HOMER2: variants seen among roughly 807,000 people sequenced by gnomAD.
HOMER2 encodes homer protein homolog 2.
In HOMER2, 27 loss-of-function variants were observed where a neutral mutation model predicts 47.0. That is an observed-to-expected ratio of 0.57 (90% CI 0.42 to 0.79). The LOEUF (loss-of-function observed/expected upper bound fraction) is 0.79. HOMER2 is among the 30% of genes least tolerant of loss of function. HOMER2 has a pLI of 0.00. For missense variants in HOMER2, 443 were observed against 435.0 expected, an observed-to-expected ratio of 1.02 and a Z score of -0.16; for synonymous variants, 161 against 163.8, an observed-to-expected ratio of 0.98 and a Z score of 0.13.
chr15:82,843,899 A>C (rs2051204714), exon 2 of HOMER2: 1 of 152,206 alleles, frequency 6.6e-6, no homozygotes, highest in South Asian at 2.1e-4. Flanking sequence ...TTAACCAATT[A>C]ACCCTGAAAC....
At chr15:82,920,080 G>A (rs1302643861) in intron 1 of HOMER2, among the ~76,000 whole-genome samples, 1 of 152,150 alleles carries the variant, frequency 6.6e-6, no homozygotes, top group East Asian at 1.9e-4. Context: ...ACTTCCACCT[G>A]TAATTTGGAG....
At chr15:82,840,453 G>A (rs2051165066) in exon 2 of HOMER2, 1 of 152,230 alleles carries the variant, frequency 6.6e-6, no homozygotes, top group Admixed American at 6.5e-5. Flanking sequence ...CACTATTTAG[G>A]AAAATTCACT....
intron 4 of HOMER2, among the ~76,000 whole-genome samples, chr15:82,860,956 T>TAGAAGATGAGAGAGAGAGAGA (rs1555420265): frequency 2.4e-5 from 1 of 42,386 alleles, no homozygotes; most frequent in African/African-American, 8.3e-5. Context: ...AGATAGAAGA[T>TAGAAGATGAGAGAGAGAGAGA]GAGAGAGAGA....
At chr15:82,902,497 A>G (rs986486855) in intron 1 of HOMER2, among the ~76,000 whole-genome samples, 1 of 152,046 alleles carries the variant, frequency 6.6e-6, no homozygotes, top group Non-Finnish European at 1.5e-5. Flanking sequence ...TGCCCAGCCA[A>G]TATCCAAGTG....
At chr15:82,952,398 G>C (rs2054525712) in intron 1 of HOMER2, 133 bp downstream of exon 1, 2 of 590,366 alleles carry the variant, frequency 3.4e-6, no homozygotes, top group South Asian at 8.0e-5. Context: ...CCCGGGCGCA[G>C]AGTGTGCGCT....
At chr15:82,946,920 G>A (rs1020380262) in intron 1 of HOMER2, among the ~76,000 whole-genome samples, 1 of 152,100 alleles carries the variant, frequency 6.6e-6, no homozygotes, top group African/African-American at 2.4e-5. Flanking sequence ...CAAATAGATG[G>A]GCACCCCTCC....
rs2151591997 is a variant in HOMER2 at position 82,849,105 on chromosome 15, A to G, written c.*610T>C. ...AGAAATTAAAACCAAGAAAAGGAAC[A>G]CTGTTGCAACCGTACAAACTGGGGG... On this transcript the variant is annotated 3_prime_UTR_variant, in exon 9 of 9. Coordinates refer to ENST00000450735, the MANE Select transcript of HOMER2 (RefSeq NM_004839.4). The G allele has an allele frequency of 7.3e-6, 1 of 136,396 alleles. No individual in the cohort carries two copies. The highest frequency in any genetic ancestry group is 2.7e-5 in the African/African-American group (1 of 36,734). The allele number at this position is 136,396 out of a possible 1,614,324, so 8.4% of individuals were successfully genotyped here. A position where few individuals can be genotyped will look rare whatever the true frequency, so the allele number is the denominator to read the frequency against.
At chr15:82,980,771 T>A (rs902593283) in intron 1 of HOMER2, among the ~76,000 whole-genome samples, 10 of 152,178 alleles carry the variant, frequency 6.6e-5, no homozygotes, top group Non-Finnish European at 1.5e-4. Context: ...CCGACAATTT[T>A]AGAGTCTTGA....
At chr15:82,952,733 G>C, upstream of HOMER2, 2 of 979,852 alleles carry the variant, frequency 2.0e-6, no homozygotes, top group Non-Finnish European at 2.4e-6. Context: ...GCGGGCGGGG[G>C]CTGGGCGGCC....
At chr15:82,962,924 C>T (rs2054643895) in intron 1 of HOMER2, among the ~76,000 whole-genome samples, 1 of 152,176 alleles carries the variant, frequency 6.6e-6, no homozygotes, top group South Asian at 2.1e-4. Flanking sequence ...GACCCAACAT[C>T]AGGCTAGACT....
chr15:82,895,497 C>A (rs2052879674), intron 1 of HOMER2, among the ~76,000 whole-genome samples: 1 of 152,218 alleles, frequency 6.6e-6, no homozygotes. Context: ...CCATATTTTG[C>A]TAATCATCTA....
intron 5 of HOMER2, among the ~76,000 whole-genome samples, chr15:82,855,778 C>T (rs1190771923): frequency 1.3e-5 from 2 of 152,218 alleles, no homozygotes; most frequent in Admixed American, 6.5e-5. Context: ...CCACAAAGGC[C>T]TCATGTTTCA....
chr15:82,935,307 C>G (rs960973507), intron 1 of HOMER2, among the ~76,000 whole-genome samples: 1 of 152,142 alleles, frequency 6.6e-6, no homozygotes, highest in Non-Finnish European at 1.5e-5. Flanking sequence ...AACCAATGCC[C>G]AAACTCTCCT....
At chr15:82,974,779 A>G (rs1477594001) in intron 1 of HOMER2, among the ~76,000 whole-genome samples, 1 of 152,048 alleles carries the variant, frequency 6.6e-6, no homozygotes, top group Non-Finnish European at 1.5e-5. Flanking sequence ...TCTTAAAAGA[A>G]GACATACAGG....
At chr15:82,864,084 C>G in intron 4 of HOMER2, 83 bp downstream of exon 4, 4 of 821,276 alleles carry the variant, frequency 4.9e-6, no homozygotes, top group South Asian at 3.5e-5. Context: ...TCAAAATTCC[C>G]TATTTCTGGC....
intron 6 of HOMER2, among the ~76,000 whole-genome samples, chr15:82,854,055 C>T (rs1301298039): frequency 6.6e-6 from 1 of 152,186 alleles, no homozygotes; most frequent in Non-Finnish European, 1.5e-5. Flanking sequence ...ACAGGGCTGA[C>T]ACCTCCAGTT....
chr15:82,950,501 A>G (rs1436007036), intron 1 of HOMER2, among the ~76,000 whole-genome samples: 2 of 152,176 alleles, frequency 1.3e-5, no homozygotes, highest in African/African-American at 4.8e-5. Context: ...AACTCTCAGA[A>G]AGGATGACAT....
At chr15:82,957,686 T>C (rs1233823575), upstream of HOMER2, among the ~76,000 whole-genome samples, 2 of 152,178 alleles carry the variant, frequency 1.3e-5, no homozygotes, top group African/African-American at 4.8e-5. Context: ...TAGCCCCTGC[T>C]GTTTCCAATC....
chr15:82,948,798 G>A (rs1232474966), intron 1 of HOMER2, among the ~76,000 whole-genome samples: 1 of 152,252 alleles, frequency 6.6e-6, no homozygotes, highest in East Asian at 1.9e-4. Context: ...AGCATGGCAG[G>A]GGGAGCTGCG....
Sources: gnomAD v4.1 joint callset for allele counts (sites outside exome capture counted in the v4.1 genomes callset) on GRCh38, gnomAD v4.1.1 for gene constraint, MANE v1.5 for transcripts, NCBI Gene and HGNC (gene_info 2026-07-23, HGNC 2026-07-21) for gene names.